ADAM2: variants seen among roughly 807,000 people sequenced by gnomAD.
ADAM2 encodes disintegrin and metalloproteinase domain-containing protein 2.
ADAM2 carries 101 observed loss-of-function variants against 99.3 expected under a neutral mutation model. The ratio of observed to expected loss-of-function variants is 1.02; its 90% CI spans 0.87 to 1.20. ADAM2 has a LOEUF of 1.20. Ranked by LOEUF, ADAM2 falls within the 50% of genes most tolerant of loss-of-function variation. The pLI is 0.00. For missense variants in ADAM2, 948 were observed against 878.7 expected (o/e 1.08, Z -1.00); for synonymous variants, 323 against 287.6 (o/e 1.12, Z -1.25).
At chr8:39,770,670 C>T (rs7009829) in intron 11 of ADAM2, among the ~76,000 whole-genome samples, 109,249 of 152,124 alleles carry the variant, frequency 0.72, 40,071 homozygotes, top group East Asian at 0.87. Context: ...GTGAGAGTAT[C>T]ATACATGTAA....
At chr8:39,825,944 G>T (rs968229713) in intron 3 of ADAM2, among the ~76,000 whole-genome samples, 1 of 151,988 alleles carries the variant, frequency 6.6e-6, no homozygotes, top group Non-Finnish European at 1.5e-5. Context: ...ATTTTGAGAG[G>T]GTTTGCACTG....
chr8:39,811,875 G>T (rs1365994303), intron 6 of ADAM2, among the ~76,000 whole-genome samples: 1 of 152,140 alleles, frequency 6.6e-6, no homozygotes, highest in South Asian at 2.1e-4. Flanking sequence ...CACAAGACAG[G>T]GATGTCCTCT....
chr8:39,829,913 C>T lies in ADAM2; in HGVS notation c.188+4031G>A, dbSNP rs547653223. On this transcript the variant is annotated intron_variant, in intron 3 of 20. Transcript: ENST00000265708. ...CATTTATTTAGAGTTAGAAAACAGACAAAAAGAAACCACATTAGCTAGGAT... is the reference window on the plus strand; with the variant it reads ...CATTTATTTAGAGTTAGAAAACAGATAAAAAGAAACCACATTAGCTAGGAT... Among the ~76,000 whole-genome samples the T allele has an allele frequency of 2.6e-5, 4 of 151,816 alleles. No individual in the cohort carries two copies. The East Asian group carries it at 5.8e-4, about 22-fold the overall frequency.
At chr8:39,750,954 G>C (rs1439135864) in intron 16 of ADAM2, among the ~76,000 whole-genome samples, 1 of 152,114 alleles carries the variant, frequency 6.6e-6, no homozygotes. Context: ...TTAAAAGTTT[G>C]CTAAAGAATA....
chr8:39,750,223 G>C (rs997820813), intron 16 of ADAM2, among the ~76,000 whole-genome samples: 1 of 152,014 alleles, frequency 6.6e-6, no homozygotes, highest in African/African-American at 2.4e-5. Flanking sequence ...ATGGAAGACC[G>C]TATTGAACCT....
chr8:39,829,404 G>C (rs1237873593), intron 3 of ADAM2, among the ~76,000 whole-genome samples: 1 of 151,926 alleles, frequency 6.6e-6, no homozygotes, highest in African/African-American at 2.4e-5. Flanking sequence ...TATTTAAAAA[G>C]TTAGAGAAAT....
chr8:39,791,795 C>T (rs1352215752), intron 7 of ADAM2, among the ~76,000 whole-genome samples: 2 of 152,012 alleles, frequency 1.3e-5, no homozygotes, highest in African/African-American at 4.8e-5. Context: ...TTTCTCTCCT[C>T]CTTGTTTCTT....
chr8:39,817,474 T>C (rs1805002249), intron 6 of ADAM2, among the ~76,000 whole-genome samples: 1 of 152,158 alleles, frequency 6.6e-6, no homozygotes, highest in Admixed American at 6.5e-5. Flanking sequence ...TTCAAGTAGC[T>C]TAAAGAGGCA....
intron 14 of ADAM2, among the ~76,000 whole-genome samples, chr8:39,761,808 G>C (rs891713542): frequency 2.0e-5 from 3 of 152,100 alleles, no homozygotes; most frequent in Non-Finnish European, 1.5e-5. Context: ...ATGGCCGGGC[G>C]CGGTGGTTCA....
At chr8:39,788,578 CA>C in intron 8 of ADAM2, 90 bp downstream of exon 8, 1 of 854,510 alleles carries the variant, frequency 1.2e-6, no homozygotes, top group Non-Finnish European at 1.8e-6. Context: ...TTATGCCACA[CA>C]ACGTGTGGAT....
chr8:39,800,414 C>T (rs1338186842), intron 7 of ADAM2, among the ~76,000 whole-genome samples: 1 of 152,168 alleles, frequency 6.6e-6, no homozygotes, highest in African/African-American at 2.4e-5. Context: ...TGATGGGCTT[C>T]CCTTTGTAGG....
intron 7 of ADAM2, among the ~76,000 whole-genome samples, chr8:39,800,884 A>G (rs540810646): frequency 6.6e-5 from 10 of 152,196 alleles, no homozygotes; most frequent in African/African-American, 2.4e-4. Context: ...CAGATCGTTT[A>G]TGTTCCTCTC....
chr8:39,747,499 CT>C (rs2129582623), intron 18 of ADAM2, among the ~76,000 whole-genome samples: 1 of 152,204 alleles, frequency 6.6e-6, no homozygotes, highest in Non-Finnish European at 1.5e-5. Context: ...GAAAGAGTCT[CT>C]AAGATATATC....
intron 10 of ADAM2, among the ~76,000 whole-genome samples, chr8:39,783,347 GTTGT>G (rs1479308366): frequency 6.6e-6 from 1 of 152,010 alleles, no homozygotes; most frequent in African/African-American, 2.4e-5. Flanking sequence ...GCTGAGGTAG[GTTGT>G]TTTTTTCCAT....
chr8:39,834,138 ATTTATT>A (rs1805725207), intron 2 of ADAM2, 139 bp from the exon 3 acceptor site: 1 of 526,678 alleles, frequency 1.9e-6, no homozygotes, highest in African/African-American at 1.9e-5. Context: ...TTTAATGCTG[ATTTATT>A]TTAATGGCAT....
intron 7 of ADAM2, among the ~76,000 whole-genome samples, chr8:39,806,006 G>A (rs1236073988): frequency 6.6e-6 from 1 of 152,076 alleles, no homozygotes; most frequent in East Asian, 1.9e-4. Flanking sequence ...AATTGGAAAG[G>A]GCCAAGCTAT....
In ADAM2 at chr8:39,761,257, C is replaced by T; in HGVS notation, c.1532G>A (p.Cys511Tyr). The change falls in exon 15 of 21, where the codon TGT (cysteine) becomes TAT (tyrosine). Residue 511 changes from cysteine (C) to tyrosine (Y), a missense_variant. By Grantham distance (194) the Cys-to-Tyr change is radical. Transcript: ENST00000265708. ...GKEVEFGPSE[C>Y]YSHLNSKTDV... Reference sequence around the variant, plus strand: ...AGTCTTTGAATTAAGGTGAGAATAACATTCTGAAGGGCCAAACTCTACTTC... The same window carrying T: ...AGTCTTTGAATTAAGGTGAGAATAATATTCTGAAGGGCCAAACTCTACTTC... 6.2e-7 allele frequency: 1 copy of T among 1,602,228 alleles called. No homozygotes were observed. The highest frequency in any genetic ancestry group is 2.3e-5 in the East Asian group (1 of 44,336).
chr8:39,800,643 C>G (rs1401908471), intron 7 of ADAM2, among the ~76,000 whole-genome samples: 3 of 152,116 alleles, frequency 2.0e-5, no homozygotes, highest in East Asian at 3.9e-4. Context: ...TCCATTCTCC[C>G]CATCTCCTTC....
chr8:39,825,965 T>C (rs1007919716), intron 3 of ADAM2, among the ~76,000 whole-genome samples: 7 of 152,226 alleles, frequency 4.6e-5, no homozygotes, highest in Non-Finnish European at 1.0e-4. Flanking sequence ...AATCTGTAGA[T>C]TGCTTTGGGT....
Sources: gnomAD v4.1 joint callset for allele counts (sites outside exome capture counted in the v4.1 genomes callset) on GRCh38, gnomAD v4.1.1 for gene constraint, MANE v1.5 for transcripts, NCBI Gene and HGNC (gene_info 2026-07-23, HGNC 2026-07-21) for gene names.